AHCYL1: variants seen among roughly 807,000 people sequenced by gnomAD.
The protein encoded by AHCYL1 is adenosylhomocysteinase like 1.
A neutral mutation model predicts 79.3 loss-of-function variants in AHCYL1; 20 were observed. That is an observed-to-expected ratio of 0.25 (90% CI 0.18 to 0.37). The LOEUF (loss-of-function observed/expected upper bound fraction) is 0.37. AHCYL1 is among the 10% of genes least tolerant of loss of function. AHCYL1 has a pLI of 1.00. For missense variants in AHCYL1, 330 were observed against 673.6 expected (o/e 0.49, Z 5.65); for synonymous variants, 223 against 242.2 (o/e 0.92, Z 0.74).
In AHCYL1 at chr1:110,021,874, G is replaced by A; in HGVS notation, c.*194G>A. ...GCTTCATGGCTCTTTAGATGAAATA[G>A]AAGTTCAGGGTTCCTCACTCTAGTC... On this transcript the variant is annotated 3_prime_UTR_variant, in exon 17 of 17. Coordinates refer to ENST00000369799, the MANE Select transcript of AHCYL1 (RefSeq NM_006621.7). 1.8e-6 allele frequency: 1 copy of A among 553,712 alleles called. No homozygotes were observed. Among genetic ancestry groups the A allele is most frequent in the South Asian group, 2.7e-5 (1 of 37,220 alleles). The allele number at this position is 553,712 out of a possible 1,614,324, so 34.3% of individuals were successfully genotyped here.
intron 1 of AHCYL1, among the ~76,000 whole-genome samples, chr1:109,986,304 C>T (rs1649464261): frequency 6.8e-6 from 1 of 146,242 alleles, no homozygotes; most frequent in South Asian, 2.2e-4. Flanking sequence ...GTTAAGCTGT[C>T]TTAAGTGGGA....
chr1:110,012,914 C>T lies in AHCYL1; in HGVS notation c.495C>T (p.Leu165=), dbSNP rs767703467. 6.2e-7 allele frequency: 1 copy of T among 1,612,148 alleles called. No homozygotes were observed. The highest frequency in any genetic ancestry group is 8.5e-7 in the Non-Finnish European group (1 of 1,179,542). Residue 165 remains leucine, a synonymous_variant, in exon 5 of 17, where the codon CTC becomes CTT. Transcript: ENST00000369799. ...CTACACAGGTGTTGATTGAGACACT[C>T]TGTGCCCTGGGGGCTCAGTGCCGCT... The part of the protein sequence containing the change: ...TAQTAVLIET[L]CALGAQCRWS...
At position 110,023,703 on chromosome 1, in the gene AHCYL1, AG is replaced by A. The variant is rs1651941170; in HGVS notation, c.*2024del. The A allele has an allele frequency of 6.6e-6, 1 of 152,642 alleles. No individual in the cohort carries two copies. The highest frequency in any genetic ancestry group is 1.5e-5 in the Non-Finnish European group (1 of 68,038). The allele number at this position is 152,642 out of a possible 1,614,324, so 9.5% of individuals were successfully genotyped here. A position where few individuals can be genotyped will look rare whatever the true frequency, so the allele number is the denominator to read the frequency against. On this transcript the variant is annotated 3_prime_UTR_variant, in exon 17 of 17. Transcript: ENST00000369799. Reference sequence around the variant, plus strand: ...AATGCAATATTAATCCTTGCAGATGAGCAATAATCATTAAAATCGATTAAAA... The same window carrying A: ...AATGCAATATTAATCCTTGCAGATGACAATAATCATTAAAATCGATTAAAA...
chr1:110,004,195 G>C (rs1217201613), intron 1 of AHCYL1: 10 of 985,490 alleles, frequency 1.0e-5, no homozygotes, highest in African/African-American at 1.7e-5. Context: ...TTGAGACACA[G>C]AGGCGGGAGT....
At chr1:110,008,095 T>G (rs1650780200) in intron 1 of AHCYL1, among the ~76,000 whole-genome samples, 1 of 145,656 alleles carries the variant, frequency 6.9e-6, no homozygotes, top group Non-Finnish European at 1.5e-5. Context: ...CGATCTCGGC[T>G]CACTGCAACC....
chr1:110,010,772 A>G (rs1313132105), intron 2 of AHCYL1, among the ~76,000 whole-genome samples: 3 of 152,228 alleles, frequency 2.0e-5, no homozygotes. Flanking sequence ...GTCTAGCAAT[A>G]TATGTTTTAA....
At chr1:110,004,280 G>A (rs181309308) in intron 1 of AHCYL1, 21 of 985,460 alleles carry the variant, frequency 2.1e-5, no homozygotes, top group Admixed American at 6.1e-5. Flanking sequence ...CCCCATCTGG[G>A]GAGAGTGAGA....
intron 1 of AHCYL1, among the ~76,000 whole-genome samples, chr1:109,991,315 G>T (rs943416273): frequency 2.6e-5 from 4 of 152,152 alleles, no homozygotes; most frequent in African/African-American, 9.7e-5. Context: ...GAGAACCACA[G>T]GTACAAGACT....
chr1:110,002,360 C>T (rs1195218639), intron 1 of AHCYL1, among the ~76,000 whole-genome samples: 1 of 152,172 alleles, frequency 6.6e-6, no homozygotes, highest in Non-Finnish European at 1.5e-5. Flanking sequence ...AGTGGAAGGA[C>T]TGTAATGGAA....
At chr1:110,009,280 A>C (rs1193380956) in intron 2 of AHCYL1, 135 bp downstream of exon 2, 1 of 721,068 alleles carries the variant, frequency 1.4e-6, no homozygotes, top group African/African-American at 1.8e-5. Context: ...GTGGCTGGGC[A>C]GTGGGAATGT....
rs1335170718 is a variant in AHCYL1, at chr1:109,985,022, C to G, written c.-31C>G. ...CAGAGGGGGAAAGAGGCGGGGGCGG[C>G]GGGTCAGCCGCTGGCCGGGCCGGCC... On this transcript the variant is annotated 5_prime_UTR_variant, in exon 1 of 17. Transcript: ENST00000369799. The G allele has an allele frequency of 4.7e-6, 7 of 1,500,498 alleles. No individual in the cohort carries two copies. The highest frequency in any genetic ancestry group is 6.2e-6 in the Non-Finnish European group (7 of 1,123,196). 92.9% of individuals were successfully genotyped at this position (1,500,498 alleles called of 1,614,324 possible).
At chr1:109,985,225 G>A (rs1209960453) in intron 1 of AHCYL1, 53 bp downstream of exon 1, 71 of 1,573,448 alleles carry the variant, frequency 4.5e-5, no homozygotes, top group Non-Finnish European at 5.9e-5. Context: ...TCGCGGAAGG[G>A]ACGCGAGCAA....
At chr1:110,018,959 G>C in intron 13 of AHCYL1, 92 bp from the exon 14 acceptor site, 1 of 1,142,260 alleles carries the variant, frequency 8.8e-7, no homozygotes, top group Non-Finnish European at 1.3e-6. Flanking sequence ...TGAGTCTAGA[G>C]GGGTGTAAAG....
intron 1 of AHCYL1, chr1:110,001,004 A>C (rs1438214871): frequency 1.0e-6 from 1 of 966,482 alleles, no homozygotes; most frequent in Non-Finnish European, 1.2e-6. Context: ...TGGGATTTCA[A>C]ACTTCCTGTA....
At chr1:110,002,096 TA>T (rs1420484188) in intron 1 of AHCYL1, among the ~76,000 whole-genome samples, 2 of 152,140 alleles carry the variant, frequency 1.3e-5, no homozygotes, top group Non-Finnish European at 2.9e-5. Context: ...AAACTTTTTT[TA>T]AAAAAGGTAA....
chr1:109,997,367 G>T (rs184407421), intron 1 of AHCYL1, among the ~76,000 whole-genome samples: 1 of 152,186 alleles, frequency 6.6e-6, no homozygotes, highest in Non-Finnish European at 1.5e-5. Flanking sequence ...ATTAGAGAAA[G>T]ATGACAGGAA....
chr1:110,011,522 T>G (rs1033286513), intron 3 of AHCYL1, among the ~76,000 whole-genome samples, 165 bp downstream of exon 3: 1 of 152,220 alleles, frequency 6.6e-6, no homozygotes, highest in Admixed American at 6.5e-5. Context: ...ACTTAAGTCT[T>G]GGGATTTTGT....
rs1051470388 is a variant in AHCYL1, at chr1:109,984,785, T to A, written c.-268T>A. ...CCCTCGCTTTGCGTGCGTGTTTGCG[T>A]ACAGCGGAGGTGGCGGCGCGGGCAG... is the stretch of plus-strand genomic sequence containing the variant. On this transcript the variant is annotated 5_prime_UTR_variant, in exon 1 of 17. Coordinates refer to ENST00000369799, the MANE Select transcript of AHCYL1 (RefSeq NM_006621.7). 9.1e-6 allele frequency: 3 copies of A among 329,388 alleles called. No homozygotes were observed. Among genetic ancestry groups the A allele is most frequent in the African/African-American group, 2.2e-5 (1 of 45,378 alleles). The allele number at this position is 329,388 out of a possible 1,614,324, so 20.4% of individuals were successfully genotyped here. A position where few individuals can be genotyped will look rare whatever the true frequency, so the allele number is the denominator to read the frequency against.
Position 110,004,172 on chromosome 1 carries a change from T to C in AHCYL1, c.121-4862T>C, listed in dbSNP as rs1225666328. 9 of 985,468 alleles carry C rather than the reference T, an allele frequency of 9.1e-6. No homozygotes were observed. In the African/African-American group the frequency reaches 1.6e-4, roughly 17 times the overall value. 61.0% of individuals were successfully genotyped at this position (985,468 alleles called of 1,614,324 possible). On this transcript the variant is annotated intron_variant, in intron 1 of 16. Coordinates refer to ENST00000369799, the MANE Select transcript of AHCYL1 (RefSeq NM_006621.7). ...TTGGATTCTAGCTGTGTGTGTGTTA[T>C]ATCCTGTTACTGTTGAGACACAGAG... is the stretch of plus-strand genomic sequence containing the variant.
Sources: gnomAD v4.1 joint callset for allele counts (sites outside exome capture counted in the v4.1 genomes callset) on GRCh38, gnomAD v4.1.1 for gene constraint, MANE v1.5 for transcripts, NCBI Gene and HGNC (gene_info 2026-07-23, HGNC 2026-07-21) for gene names.